The following CREB3L1 variants were observed in gnomAD, a reference collection of about 807,000 sequenced individuals.
CREB3L1 encodes the protein cAMP responsive element binding protein 3 like 1, also known as cyclic AMP-responsive element-binding protein 3-like protein 1.
In CREB3L1, 33 loss-of-function variants were observed where a neutral mutation model predicts 54.5. The observed-to-expected ratio is 0.61, with a 90% confidence interval of 0.46 to 0.81. The LOEUF (loss-of-function observed/expected upper bound fraction) is 0.81. Among genes scored for constraint, CREB3L1 ranks in the 30% least tolerant of loss-of-function variants. CREB3L1 has a pLI of 0.00. For synonymous variants in CREB3L1, 284 were observed against 286.4 expected (o/e 0.99, Z 0.08); for missense variants, 656 against 673.3 (o/e 0.97, Z 0.29).
Position 46,321,100 on chromosome 11 carries a change from C to A in CREB3L1, c.*354C>A. 1.9e-6 allele frequency: 1 copy of A among 530,484 alleles called. No individual in the cohort carries two copies. Among genetic ancestry groups the A allele is most frequent in the African/African-American group, 1.9e-5 (1 of 52,936 alleles). The allele number at this position is 530,484 out of a possible 1,614,324, so 32.9% of individuals were successfully genotyped here. On this transcript the variant is annotated 3_prime_UTR_variant, in exon 12 of 12. Coordinates refer to ENST00000621158, the MANE Select transcript of CREB3L1 (RefSeq NM_052854.4). ...CCACTCACAGACACCCCTTACCCCACCCCCACTGTACAGAGACCAAGAACA... is the reference window on the plus strand; with the variant it reads ...CCACTCACAGACACCCCTTACCCCAACCCCACTGTACAGAGACCAAGAACA...
At chr11:46,314,446 G>A (rs986730248) in intron 8 of CREB3L1, among the ~76,000 whole-genome samples, 9 of 151,760 alleles carry the variant, frequency 5.9e-5, no homozygotes, top group Non-Finnish European at 1.3e-4. Context: ...GAGCGTAGTG[G>A]GGTGATCATA....
At chr11:46,317,315 G>C in intron 9 of CREB3L1, 46 bp from the exon 10 acceptor site, 1 of 1,610,256 alleles carries the variant, frequency 6.2e-7, no homozygotes, top group Non-Finnish European at 8.5e-7. Flanking sequence ...CAGGGCCGTG[G>C]CCCCTCCTTA....
intron 6 of CREB3L1, 54 bp downstream of exon 6, chr11:46,312,528 C>G: frequency 1.2e-6 from 2 of 1,609,694 alleles, no homozygotes; most frequent in Admixed American, 1.7e-5. Context: ...GTGGGCTCCC[C>G]TGGCATACCA....
chr11:46,310,421 C>T (rs749649191), intron 4 of CREB3L1, among the ~76,000 whole-genome samples: 5 of 152,014 alleles, frequency 3.3e-5, no homozygotes, highest in Non-Finnish European at 5.9e-5. Context: ...GTGCCCACCA[C>T]CACGCCTGGC....
chr11:46,289,055 G>C (rs1018838900), intron 1 of CREB3L1, among the ~76,000 whole-genome samples: 16 of 152,116 alleles, frequency 1.1e-4, no homozygotes, highest in Non-Finnish European at 2.2e-4. Context: ...TATATGCTGG[G>C]CCCTGTTTGA....
At position 46,278,246 on chromosome 11, in the gene CREB3L1, C is replaced by G; in HGVS notation, c.102+33C>G. ...GAAGGGTCTCCGTTCCCGTTCCACC[C>G]CTCGGCACCCGTCCTCGCGGCGCGC... On this transcript the variant is annotated intron_variant, in intron 1 of 11. Transcript: ENST00000621158. The surrounding 1 kb of genome is among the most constrained non-coding windows in gnomAD (Gnocchi z 4.2). 7.1e-7 allele frequency: 1 copy of G among 1,410,078 alleles called. No individual in the cohort carries two copies. The highest frequency in any genetic ancestry group is 9.7e-7 in the Non-Finnish European group (1 of 1,028,768). The allele number at this position is 1,410,078 out of a possible 1,614,324, so 87.3% of individuals were successfully genotyped here.
chr11:46,316,949 G>A (rs1313664876), intron 9 of CREB3L1, among the ~76,000 whole-genome samples: 3 of 152,048 alleles, frequency 2.0e-5, no homozygotes, highest in Admixed American at 1.3e-4. Flanking sequence ...TGTGGGCTCC[G>A]TGGCTCTCAG....
At chr11:46,312,778 T>G in intron 7 of CREB3L1, 73 bp from the exon 8 acceptor site, 2 of 1,544,730 alleles carry the variant, frequency 1.3e-6, no homozygotes, top group Non-Finnish European at 1.8e-6. Flanking sequence ...AGTGTGATGG[T>G]GGTGGGCTGG....
intron 8 of CREB3L1, 68 bp downstream of exon 8, chr11:46,312,987 G>A: frequency 8.4e-7 from 1 of 1,190,244 alleles, no homozygotes; most frequent in Non-Finnish European, 1.2e-6. Flanking sequence ...GCTCTGCATA[G>A]CTCTGGGAGA....
intron 1 of CREB3L1, among the ~76,000 whole-genome samples, chr11:46,293,100 G>A (rs142319542): frequency 2.6e-5 from 4 of 152,308 alleles, no homozygotes; most frequent in Non-Finnish European, 2.9e-5. Flanking sequence ...AGTAAATACC[G>A]AACAAATGCA....
chr11:46,298,017 G>T (rs1939238255), intron 1 of CREB3L1, among the ~76,000 whole-genome samples: 1 of 152,214 alleles, frequency 6.6e-6, no homozygotes, highest in South Asian at 2.1e-4. Context: ...CTATGAGGTA[G>T]GAACTATTAT....
chr11:46,285,904 G>C (rs1939049198), intron 1 of CREB3L1, among the ~76,000 whole-genome samples: 3 of 152,340 alleles, frequency 2.0e-5, no homozygotes, highest in African/African-American at 7.2e-5. Context: ...CAGGAGGCGG[G>C]TTTCAGGCAG....
chr11:46,318,957 G>A (rs1054132236), intron 10 of CREB3L1, among the ~76,000 whole-genome samples: 4 of 152,200 alleles, frequency 2.6e-5, no homozygotes, highest in Admixed American at 2.6e-4. Flanking sequence ...GCAGGCTGAG[G>A]AGGAGAGAAC....
Position 46,313,579 on chromosome 11 carries a change from G to A in CREB3L1, c.1031+660G>A, listed in dbSNP as rs539859246. Among the ~76,000 whole-genome samples, 32 of 152,020 alleles carry A rather than the reference G, an allele frequency of 2.1e-4. 1 individual carries two copies. The South Asian group carries it at 5.0e-3, about 24-fold the overall frequency. On this transcript the variant is annotated intron_variant, in intron 8 of 11. Coordinates refer to ENST00000621158, the MANE Select transcript of CREB3L1 (RefSeq NM_052854.4). The stretch of plus-strand genomic sequence containing the variant: ...TGGGCGCCTGTAATCCCAGCTACTC[G>A]GGAGGCTGAGGGAGAAGAATCACTT...
chr11:46,278,342 C>A lies in CREB3L1; in HGVS notation c.102+129C>A, dbSNP rs1009444162. 1.8e-6 allele frequency: 1 copy of A among 563,594 alleles called. No individual in the cohort carries two copies. The highest frequency in any genetic ancestry group is 3.1e-6 in the Non-Finnish European group (1 of 321,868). The allele number at this position is 563,594 out of a possible 1,614,324, so 34.9% of individuals were successfully genotyped here. The stretch of plus-strand genomic sequence containing the variant: ...GGGGAGAGGGTTCAGCGCAGGGTCT[C>A]CAGGAGCGACATGTGTTTGGAGCTA... On this transcript the variant is annotated intron_variant, in intron 1 of 11. Transcript: ENST00000621158. This position sits in a 1 kb window ranked among gnomAD's most constrained non-coding sequence, Gnocchi z 4.2.
At chr11:46,314,247 A>G (rs1248413633) in intron 8 of CREB3L1, among the ~76,000 whole-genome samples, 2 of 151,974 alleles carry the variant, frequency 1.3e-5, no homozygotes, top group Non-Finnish European at 2.9e-5. Flanking sequence ...CAAAAAAAAA[A>G]AAAAAGAAAG....
At chr11:46,293,857 T>C (rs1316180646) in intron 1 of CREB3L1, among the ~76,000 whole-genome samples, 1 of 152,216 alleles carries the variant, frequency 6.6e-6, no homozygotes, top group African/African-American at 2.4e-5. Context: ...CTGGGGTGAC[T>C]TCGCATGTGT....
intron 10 of CREB3L1, among the ~76,000 whole-genome samples, chr11:46,320,041 C>A (rs1215115606): frequency 6.6e-6 from 1 of 152,170 alleles, no homozygotes; most frequent in Non-Finnish European, 1.5e-5. Flanking sequence ...TTAAACCTCT[C>A]ATTTACATGA....
At chr11:46,300,737 G>A (rs1939285342) in intron 2 of CREB3L1, among the ~76,000 whole-genome samples, 1 of 152,060 alleles carries the variant, frequency 6.6e-6, no homozygotes, top group Non-Finnish European at 1.5e-5. Flanking sequence ...CGGGCGCGGT[G>A]GCTCACGCCT....
Sources: gnomAD v4.1 joint callset for allele counts (sites outside exome capture counted in the v4.1 genomes callset) on GRCh38, gnomAD v4.1.1 for gene constraint, Gnocchi (gnomAD v3.1) non-coding constraint, MANE v1.5 for transcripts, NCBI Gene and HGNC (gene_info 2026-07-23, HGNC 2026-07-21) for gene names.